The following MRTFA variants were observed in gnomAD, a reference collection of about 807,000 sequenced individuals.
MRTFA encodes myocardin-related transcription factor A.
In MRTFA, 20 loss-of-function variants were observed where a neutral mutation model predicts 83.5. The observed-to-expected ratio is 0.24, with a 90% CI of 0.17 to 0.35. The LOEUF (loss-of-function observed/expected upper bound fraction) is 0.35, where lower values mean the gene tolerates loss of function less well. Among genes scored for constraint, MRTFA ranks in the 10% least tolerant of loss-of-function variants. The pLI, the probability that MRTFA is intolerant of heterozygous loss-of-function variation, is 1.00. For synonymous variants in MRTFA, 659 were observed against 541.2 expected (o/e 1.22, Z -3.02); for missense variants, 1,200 against 1,224.7 (o/e 0.98, Z 0.30).
intron 3 of MRTFA, among the ~76,000 whole-genome samples, chr22:40,500,343 T>A (rs974196656): frequency 1.1e-4 from 3 of 26,336 alleles, no homozygotes; most frequent in African/African-American, 1.7e-4. Flanking sequence ...GTTTTTATTT[T>A]TTTTATTTTT....
At chr22:40,565,714 A>T (rs1272622581) in intron 2 of MRTFA, among the ~76,000 whole-genome samples, 1 of 152,204 alleles carries the variant, frequency 6.6e-6, no homozygotes, top group Non-Finnish European at 1.5e-5. Flanking sequence ...TAAAAATGAA[A>T]ATAAATATAC....
chr22:40,600,097 T>A (rs2056241573), intron 1 of MRTFA, among the ~76,000 whole-genome samples: 1 of 151,722 alleles, frequency 6.6e-6, no homozygotes, highest in African/African-American at 2.4e-5. Flanking sequence ...TTTTAAGCAG[T>A]CCACCTCAAC....
intron 2 of MRTFA, among the ~76,000 whole-genome samples, chr22:40,585,700 A>C (rs1018105923): frequency 4.4e-4 from 67 of 152,326 alleles, no homozygotes; most frequent in Non-Finnish European, 8.8e-4. Flanking sequence ...GCAGGGGATG[A>C]GAGTTAGCAG....
At chr22:40,434,475 A>T (rs2053129342) in intron 5 of MRTFA, among the ~76,000 whole-genome samples, 1 of 152,002 alleles carries the variant, frequency 6.6e-6, no homozygotes, top group South Asian at 2.1e-4. Flanking sequence ...TAATCCCAGG[A>T]CTTTGGAAGG....
At chr22:40,617,376 C>G (rs1437295877) in intron 1 of MRTFA, among the ~76,000 whole-genome samples, 3 of 152,010 alleles carry the variant, frequency 2.0e-5, no homozygotes, top group Non-Finnish European at 2.9e-5. Flanking sequence ...ATCTCACAAA[C>G]GGAGGCCAAA....
At chr22:40,587,751 T>C in intron 2 of MRTFA, 1 of 333,530 alleles carries the variant, frequency 3.0e-6, no homozygotes, top group Non-Finnish European at 5.9e-6. Flanking sequence ...AAAGAGTGAG[T>C]CCCACCACCT....
Position 40,419,163 on chromosome 22 carries a change from G to GC in MRTFA, c.1574dup (p.Leu526ProfsTer5). 1 of 1,584,830 alleles carries GC rather than the reference G, an allele frequency of 6.3e-7. No individual in the cohort carries two copies. The highest frequency in any genetic ancestry group is 8.6e-7 in the Non-Finnish European group (1 of 1,165,372). On this transcript the variant is annotated frameshift_variant, in exon 12 of 15. Coordinates refer to ENST00000355630, the MANE Select transcript of MRTFA (RefSeq NM_020831.6). LOFTEE classifies it high-confidence loss of function. Reference sequence around the variant, plus strand: ...CCACCACCACCTCAGCTGGAGCCAGGCCTGCTGCCACCAGGGCTGGCCCCG... The same window carrying GC: ...CCACCACCACCTCAGCTGGAGCCAGGCCCTGCTGCCACCAGGGCTGGCCCCG...
At chr22:40,483,607 C>T (rs1344231454) in intron 3 of MRTFA, among the ~76,000 whole-genome samples, 3 of 151,486 alleles carry the variant, frequency 2.0e-5, no homozygotes, top group Non-Finnish European at 4.4e-5. Context: ...ATGGCATGAA[C>T]CCAGGAGGCA....
intron 4 of MRTFA, among the ~76,000 whole-genome samples, chr22:40,459,353 C>A (rs968060014): frequency 6.6e-6 from 1 of 151,848 alleles, no homozygotes; most frequent in East Asian, 1.9e-4. Flanking sequence ...TATTCCCAGT[C>A]CTCAACATTC....
At chr22:40,439,784 A>G (rs1235150377) in intron 4 of MRTFA, among the ~76,000 whole-genome samples, 1 of 152,216 alleles carries the variant, frequency 6.6e-6, no homozygotes, top group East Asian at 1.9e-4. Flanking sequence ...TTTGGCACTG[A>G]TACTAGAAGA....
At chr22:40,539,309 GTTGT>G (rs2055246686) in intron 3 of MRTFA, among the ~76,000 whole-genome samples, 1 of 149,062 alleles carries the variant, frequency 6.7e-6, no homozygotes, top group Non-Finnish European at 1.5e-5. Context: ...CTAGTTTTAA[GTTGT>G]TTAACAGTTT....
intron 6 of MRTFA, among the ~76,000 whole-genome samples, chr22:40,431,034 A>C (rs891405884): frequency 3.9e-5 from 6 of 152,138 alleles, no homozygotes; most frequent in African/African-American, 1.4e-4. Flanking sequence ...AAAACTAAGT[A>C]AGTGTATTTT....
At chr22:40,512,532 G>T (rs2054684890) in intron 3 of MRTFA, among the ~76,000 whole-genome samples, 1 of 152,218 alleles carries the variant, frequency 6.6e-6, no homozygotes, top group South Asian at 2.1e-4. Context: ...TGGAAGAAAG[G>T]ATCATCTATC....
chr22:40,606,568 T>C (rs1263679622), intron 1 of MRTFA, among the ~76,000 whole-genome samples: 1 of 152,188 alleles, frequency 6.6e-6, no homozygotes, highest in Non-Finnish European at 1.5e-5. Context: ...ATTAGACAAA[T>C]GTTTAAACAA....
chr22:40,571,745 C>G (rs922349180), intron 2 of MRTFA, among the ~76,000 whole-genome samples: 2 of 150,972 alleles, frequency 1.3e-5, no homozygotes, highest in African/African-American at 2.4e-5. Flanking sequence ...GATGAAACCC[C>G]GTCTCTACTA....
chr22:40,635,326 T>C (rs2056683433), intron 1 of MRTFA, among the ~76,000 whole-genome samples: 1 of 119,458 alleles, frequency 8.4e-6, no homozygotes, highest in East Asian at 2.7e-4. Context: ...CATGTAGGTC[T>C]AACTTCTTAC....
chr22:40,514,401 A>G (rs977845368), intron 3 of MRTFA, among the ~76,000 whole-genome samples: 1 of 152,088 alleles, frequency 6.6e-6, no homozygotes, highest in Non-Finnish European at 1.5e-5. Context: ...AAGAATTGAG[A>G]ATCATGTTTC....
At chr22:40,470,354 A>T (rs2147166002) in intron 3 of MRTFA, among the ~76,000 whole-genome samples, 1 of 146,398 alleles carries the variant, frequency 6.8e-6, no homozygotes, top group East Asian at 2.0e-4. Context: ...GCACACCCTT[A>T]AACAGCCAAT....
At chr22:40,607,043 T>C (rs1426888922) in intron 1 of MRTFA, among the ~76,000 whole-genome samples, 3 of 152,152 alleles carry the variant, frequency 2.0e-5, no homozygotes, top group African/African-American at 7.2e-5. Flanking sequence ...CACCTAACAG[T>C]GCCTAACAGA....
Sources: gnomAD v4.1 joint callset for allele counts (sites outside exome capture counted in the v4.1 genomes callset) on GRCh38, gnomAD v4.1.1 for gene constraint, MANE v1.5 for transcripts, NCBI Gene and HGNC (gene_info 2026-07-23, HGNC 2026-07-21) for gene names.